HOOK3: variants seen among roughly 807,000 people sequenced by gnomAD.
HOOK3 encodes protein Hook homolog 3.
Under a neutral mutation model 116.3 loss-of-function variants are expected in HOOK3, and 24 were observed. The observed-to-expected ratio is 0.21, with a 90% CI of 0.15 to 0.29. The LOEUF (loss-of-function observed/expected upper bound fraction) is 0.29. HOOK3 is among the 10% of genes least tolerant of loss of function. HOOK3 has a pLI of 1.00. For synonymous variants in HOOK3, 275 were observed against 283.0 expected (o/e 0.97, Z 0.28); for missense variants, 632 against 830.2 (o/e 0.76, Z 2.93).
chr8:42,941,421 G>A (rs1005088284), intron 4 of HOOK3, among the ~76,000 whole-genome samples: 3 of 150,620 alleles, frequency 2.0e-5, no homozygotes, highest in African/African-American at 2.4e-5. Context: ...GGGAGGCTGA[G>A]GCACGAGAAT....
chr8:42,905,325 T>TTGGGGG (rs746035645), intron 1 of HOOK3, among the ~76,000 whole-genome samples: 1 of 99,112 alleles, frequency 1.0e-5, no homozygotes, highest in African/African-American at 4.7e-5. Context: ...TTTCTTTTTT[T>TTGGGGG]GGGGGGGGGG....
chr8:42,936,073 G>C (rs983502109), intron 4 of HOOK3, among the ~76,000 whole-genome samples: 1 of 152,210 alleles, frequency 6.6e-6, no homozygotes, highest in African/African-American at 2.4e-5. Flanking sequence ...TCCTTGAGCA[G>C]TGGTTTGTAG....
At chr8:42,973,615 T>C (rs1041929626) in intron 12 of HOOK3, among the ~76,000 whole-genome samples, 1 of 152,216 alleles carries the variant, frequency 6.6e-6, no homozygotes, top group Non-Finnish European at 1.5e-5. Context: ...ATTTCTTTTT[T>C]ATATAGTTAT....
chr8:43,000,407 A>G (rs893636828), intron 16 of HOOK3: 1 of 475,662 alleles, frequency 2.1e-6, no homozygotes, highest in African/African-American at 2.0e-5. Flanking sequence ...TACTTGCCTC[A>G]TAGGTTTAAG....
intron 4 of HOOK3, among the ~76,000 whole-genome samples, chr8:42,938,799 G>A (rs1808029595): frequency 1.3e-5 from 2 of 152,104 alleles, no homozygotes; most frequent in South Asian, 4.2e-4. Context: ...CAATAGTGGA[G>A]GGAAGATCAG....
At chr8:42,982,781 C>G in intron 14 of HOOK3, 85 bp downstream of exon 14, 1 of 891,112 alleles carries the variant, frequency 1.1e-6, no homozygotes, top group South Asian at 1.5e-5. Flanking sequence ...AAGATAATTT[C>G]CTTATTCTTT....
At chr8:42,971,786 T>C (rs1808732902) in intron 11 of HOOK3, among the ~76,000 whole-genome samples, 2 of 152,108 alleles carry the variant, frequency 1.3e-5, no homozygotes, top group African/African-American at 2.4e-5. Flanking sequence ...GTTCAAGCAA[T>C]TCTCCTGCCA....
chr8:42,963,478 G>C (rs779461294), intron 8 of HOOK3, among the ~76,000 whole-genome samples: 1 of 152,206 alleles, frequency 6.6e-6, no homozygotes, highest in Non-Finnish European at 1.5e-5. Context: ...TATAAACATT[G>C]TTCCTAAGTC....
chr8:42,981,124 T>C (rs1330847027), intron 13 of HOOK3, among the ~76,000 whole-genome samples: 1 of 150,966 alleles, frequency 6.6e-6, no homozygotes, highest in Non-Finnish European at 1.5e-5. Context: ...CGATCTCAAC[T>C]CACTGCAGCC....
chr8:42,982,567 A>T, intron 13 of HOOK3, 60 bp from the exon 14 acceptor site: 1 of 1,175,112 alleles, frequency 8.5e-7, no homozygotes. Flanking sequence ...AGGGTTTCAT[A>T]TCGAAAGTTG....
chr8:42,996,804 A>T (rs904976934), intron 15 of HOOK3, among the ~76,000 whole-genome samples: 1 of 148,576 alleles, frequency 6.7e-6, no homozygotes, highest in Admixed American at 6.8e-5. Flanking sequence ...ATATGCATCT[A>T]TGTACTACTT....
chr8:42,926,992 C>T (rs1807778242), intron 3 of HOOK3, among the ~76,000 whole-genome samples: 1 of 152,160 alleles, frequency 6.6e-6, no homozygotes, highest in African/African-American at 2.4e-5. Context: ...CAGTGATTGT[C>T]ATTTCTGGCA....
chr8:42,917,143 T>C (rs1351112748), intron 2 of HOOK3, among the ~76,000 whole-genome samples: 1 of 152,218 alleles, frequency 6.6e-6, no homozygotes, highest in African/African-American at 2.4e-5. Context: ...CAATCAGTTT[T>C]ATTATAAATG....
chr8:42,939,417 C>T (rs535511128), intron 4 of HOOK3, among the ~76,000 whole-genome samples: 38 of 150,002 alleles, frequency 2.5e-4, no homozygotes, highest in South Asian at 2.1e-3. Context: ...ACCTCCCTCC[C>T]GGATGGGGCA....
rs1468531463 is a variant in HOOK3, at chr8:42,942,696, G to A, written c.268-617G>A. 2.0e-5 allele frequency among the ~76,000 whole-genome samples: 3 copies of A among 152,142 alleles called. No homozygotes were observed. The East Asian group carries it at 5.8e-4, about 29-fold the overall frequency. On this transcript the variant is annotated intron_variant, in intron 4 of 21. Transcript: ENST00000307602. ...CAAATGTTTTAATGGTCCTTGGTTGGTTGTTGACATTTAAAAGTAAACCAC... is the reference window on the plus strand; with the variant it reads ...CAAATGTTTTAATGGTCCTTGGTTGATTGTTGACATTTAAAAGTAAACCAC...
At chr8:42,938,086 A>G (rs1384266315) in intron 4 of HOOK3, among the ~76,000 whole-genome samples, 3 of 152,158 alleles carry the variant, frequency 2.0e-5, no homozygotes, top group African/African-American at 4.8e-5. Flanking sequence ...TATTGGGTGC[A>G]TATATATTTA....
At position 43,027,588 on chromosome 8, in the gene HOOK3, C is replaced by A; in HGVS notation, c.*9090C>A. The A allele has an allele frequency of 4.4e-6, 1 of 226,766 alleles. No individual in the cohort carries two copies. Among genetic ancestry groups the A allele is most frequent in the Admixed American group, 5.5e-5 (1 of 18,160 alleles). The allele number at this position is 226,766 out of a possible 1,614,324, so 14.0% of individuals were successfully genotyped here. A position where few individuals can be genotyped will look rare whatever the true frequency, so the allele number is the denominator to read the frequency against. On this transcript the variant is annotated 3_prime_UTR_variant, in exon 22 of 22. Coordinates refer to ENST00000307602, the MANE Select transcript of HOOK3 (RefSeq NM_032410.4). ...GGGAAAGGACTGCTTTTTTTCTCTC[C>A]CAAATTAGAAAATTAAAAGTGAAAC... is the stretch of plus-strand genomic sequence containing the variant.
intron 17 of HOOK3, among the ~76,000 whole-genome samples, chr8:43,006,448 G>A (rs1196930631): frequency 6.6e-6 from 1 of 151,974 alleles, no homozygotes; most frequent in Non-Finnish European, 1.5e-5. Flanking sequence ...CCGAGTAGCT[G>A]AGTAGCTGGG....
At chr8:42,925,751 T>A in intron 3 of HOOK3, 122 bp downstream of exon 3, 1 of 637,114 alleles carries the variant, frequency 1.6e-6, no homozygotes, top group East Asian at 2.9e-5. Flanking sequence ...AATGAAATAA[T>A]GTAGAATTGA....
Sources: allele counts gnomAD v4.1 joint callset (sites outside exome capture counted in the v4.1 genomes callset), GRCh38; gene constraint gnomAD v4.1.1; transcripts MANE v1.5; gene names NCBI Gene and HGNC (gene_info 2026-07-23, HGNC 2026-07-21).